The following ALPK1 variants were observed in gnomAD, a reference collection of about 807,000 sequenced individuals.
ALPK1 encodes alpha-protein kinase 1.
Under a neutral mutation model 120.6 loss-of-function variants are expected in ALPK1, and 110 were observed. That is an observed-to-expected ratio of 0.91 (90% confidence interval 0.78 to 1.07). The LOEUF (loss-of-function observed/expected upper bound fraction) is 1.07. Among genes scored for constraint, ALPK1 ranks in the 50% least tolerant of loss-of-function variants. The pLI, the probability that ALPK1 is intolerant of heterozygous loss-of-function variation, is 0.00. For synonymous variants in ALPK1, 582 were observed against 560.3 expected (o/e 1.04, Z -0.55); for missense variants, 1,498 against 1,483.9 (o/e 1.01, Z -0.16).
At chr4:112,400,994 A>C (rs985538817) in intron 4 of ALPK1, among the ~76,000 whole-genome samples, 1 of 151,978 alleles carries the variant, frequency 6.6e-6, no homozygotes, top group Non-Finnish European at 1.5e-5. Flanking sequence ...GCTCAGCCAG[A>C]GTGCTCAACT....
At chr4:112,439,170 A>G (rs1199850563) in intron 13 of ALPK1, among the ~76,000 whole-genome samples, 1 of 152,184 alleles carries the variant, frequency 6.6e-6, no homozygotes, top group Admixed American at 6.5e-5. Context: ...GAGTGCATTC[A>G]TACTTGCAAT....
At position 112,435,264 on chromosome 4, in the gene ALPK1, T is replaced by G; in HGVS notation, c.3151T>G (p.Trp1051Gly). Residue 1051 changes from tryptophan to glycine, a missense_variant, in exon 12 of 16, where the codon TGG (tryptophan) becomes GGG (glycine). By Grantham distance (184) the Trp-to-Gly change is radical (BLOSUM62 -2). Transcript: ENST00000650871. ...AAAAGGCAGACAAAGAAATGCTTTT[T>G]GGGTTCATCATCTTCATCAAGAAGA... ...KKKGRQRNAF[W>G]VHHLHQEEIL... 1 of 1,612,938 alleles carries G rather than the reference T, an allele frequency of 6.2e-7. No individual in the cohort carries two copies. Among genetic ancestry groups the G allele is most frequent in the South Asian group, 1.1e-5 (1 of 90,882 alleles).
At chr4:112,400,886 G>A (rs1308271111) in intron 4 of ALPK1, among the ~76,000 whole-genome samples, 1 of 152,142 alleles carries the variant, frequency 6.6e-6, no homozygotes, top group African/African-American at 2.4e-5. Context: ...AGAGAGGAAG[G>A]TCTGAGCCAG....
rs139390469 is a variant in ALPK1 at position 112,357,681 on chromosome 4, C to T, written c.-100-19997C>T. The T allele has an allele frequency of 3.0e-3, 4,730 of 1,597,378 alleles. 23 individuals carry two copies. Among genetic ancestry groups the T allele is most frequent in the Non-Finnish European group, 3.7e-3 (4,369 of 1,165,334 alleles). ...TGGGGATCATCCCCAGAGGCCCCGA[C>T]GGAGCCCAGTTGAGCTCCGCGTTTG... On this transcript the variant is annotated intron_variant, in intron 2 of 15. Transcript: ENST00000650871.
At chr4:112,424,357 T>G (rs1734136658) in intron 6 of ALPK1, among the ~76,000 whole-genome samples, 1 of 152,240 alleles carries the variant, frequency 6.6e-6, no homozygotes. Context: ...AATAAAAGCC[T>G]CTAAGTTCAG....
At chr4:112,357,656 T>G (rs1730698032) in intron 2 of ALPK1, 2 of 1,607,926 alleles carry the variant, frequency 1.2e-6, no homozygotes, top group Non-Finnish European at 1.7e-6. Flanking sequence ...CAGATCTGGG[T>G]GGGGATCATC....
chr4:112,304,019 G>A (rs966127380), intron 1 of ALPK1, among the ~76,000 whole-genome samples: 4 of 151,994 alleles, frequency 2.6e-5, no homozygotes, highest in South Asian at 2.1e-4. Flanking sequence ...TTGTCCTTGC[G>A]ATAGTTTGCT....
intron 6 of ALPK1, 111 bp downstream of exon 6, chr4:112,424,114 C>A: frequency 1.0e-6 from 1 of 995,506 alleles, no homozygotes; most frequent in South Asian, 1.6e-5. Flanking sequence ...GTTTCCAGAG[C>A]TATCTGGGGC....
chr4:112,392,546 G>A (rs929099870), intron 4 of ALPK1, among the ~76,000 whole-genome samples: 16 of 152,310 alleles, frequency 1.1e-4, no homozygotes, highest in African/African-American at 3.8e-4. Flanking sequence ...ATCTGAGACA[G>A]TGTATGTCTC....
At chr4:112,427,904 A>G in intron 9 of ALPK1, 1 of 341,944 alleles carries the variant, frequency 2.9e-6, no homozygotes, top group Non-Finnish European at 5.3e-6. Flanking sequence ...TGGTGAATGA[A>G]TGAATGAATA....
chr4:112,389,400 G>A (rs900642539), intron 4 of ALPK1, among the ~76,000 whole-genome samples: 26 of 152,192 alleles, frequency 1.7e-4, no homozygotes, highest in African/African-American at 5.8e-4. Flanking sequence ...ATGGCCAGGG[G>A]CCTGATTGCT....
At chr4:112,424,918 C>T (rs1734169920) in intron 6 of ALPK1, 1 of 152,142 alleles carries the variant, frequency 6.6e-6, no homozygotes, top group Admixed American at 6.5e-5. Flanking sequence ...CAGGCCACAG[C>T]CTTTTTTACT....
At chr4:112,308,098 A>G (rs775572386) in intron 1 of ALPK1, among the ~76,000 whole-genome samples, 1 of 152,048 alleles carries the variant, frequency 6.6e-6, no homozygotes, top group Non-Finnish European at 1.5e-5. Flanking sequence ...TGGCTTGTAG[A>G]GTTTCTGCCG....
intron 2 of ALPK1, among the ~76,000 whole-genome samples, chr4:112,346,612 A>G (rs776623016): frequency 2.6e-5 from 4 of 152,238 alleles, no homozygotes; most frequent in Non-Finnish European, 5.9e-5. Context: ...CATGATGCCA[A>G]CCAGTCATTT....
At chr4:112,338,236 G>A (rs1388100262) in intron 2 of ALPK1, among the ~76,000 whole-genome samples, 1 of 152,196 alleles carries the variant, frequency 6.6e-6, no homozygotes, top group Non-Finnish European at 1.5e-5. Context: ...CCAAGTGCTA[G>A]AATTCAGGCG....
At chr4:112,354,889 T>A (rs1730532997) in intron 2 of ALPK1, among the ~76,000 whole-genome samples, 1 of 152,218 alleles carries the variant, frequency 6.6e-6, no homozygotes, top group African/African-American at 2.4e-5. Context: ...CAGGAATGTC[T>A]TTATTATTCT....
At chr4:112,435,383 G>T (rs1411395365) in intron 12 of ALPK1, 82 bp downstream of exon 12, 3 of 1,368,562 alleles carry the variant, frequency 2.2e-6, no homozygotes, top group South Asian at 3.0e-5. Context: ...ATGAGACTTC[G>T]TAGGGGCTGA....
intron 2 of ALPK1, among the ~76,000 whole-genome samples, chr4:112,365,083 A>G (rs1472493242): frequency 6.6e-6 from 1 of 152,236 alleles, no homozygotes; most frequent in African/African-American, 2.4e-5. Context: ...GTCTATGACA[A>G]ACTGACAGTC....
chr4:112,331,257 T>G (rs908002105), intron 2 of ALPK1, among the ~76,000 whole-genome samples: 1 of 152,172 alleles, frequency 6.6e-6, no homozygotes, highest in African/African-American at 2.4e-5. Flanking sequence ...ACTGGTCTTT[T>G]GCCCGCTGAT....
Sources: allele counts gnomAD v4.1 joint callset (sites outside exome capture counted in the v4.1 genomes callset), GRCh38; gene constraint gnomAD v4.1.1; transcripts MANE v1.5; gene names NCBI Gene and HGNC (gene_info 2026-07-23, HGNC 2026-07-21).